The following EVC2 variants were observed in gnomAD, a reference collection of about 807,000 sequenced individuals.
The protein encoded by EVC2 is EvC ciliary complex subunit 2, also known as limbin.
Under a neutral mutation model 149.3 loss-of-function variants are expected in EVC2, and 148 were observed. The observed-to-expected ratio is 0.99, with a 90% confidence interval of 0.87 to 1.14. EVC2 has a LOEUF of 1.14. EVC2 is among the 50% of genes most tolerant of loss of function. EVC2 has a pLI of 0.00. For synonymous variants in EVC2, 776 were observed against 649.9 expected (o/e 1.19, Z -2.95); for missense variants, 1,854 against 1,627.3 (o/e 1.14, Z -2.40).
At chr4:5,681,339 T>C (rs779101308) in intron 6 of EVC2, 26 bp from the exon 7 acceptor site, 2 of 1,613,872 alleles carry the variant, frequency 1.2e-6, no homozygotes, top group South Asian at 2.2e-5. Context: ...AGAAAACACT[T>C]TCAGCAACAG....
Position 5,641,000 on chromosome 4 carries a change from G to C in EVC2, c.1146-162C>G, listed in dbSNP as rs932121119. On this transcript the variant is annotated intron_variant, in intron 9 of 21. Transcript: ENST00000344408. This position sits in a 1 kb window ranked among gnomAD's most constrained non-coding sequence, Gnocchi z 4.6. The stretch of plus-strand genomic sequence containing the variant: ...ACTTCTGCTTCATCCAGTTATTGAA[G>C]GCCATTAGCTGACTCTTACTTAGTA... 6.6e-6 allele frequency among the ~76,000 whole-genome samples: 1 copy of C among 152,024 alleles called. No individual in the cohort carries two copies. Among genetic ancestry groups the C allele is most frequent in the Non-Finnish European group, 1.5e-5 (1 of 68,026 alleles).
At chr4:5,646,357 T>C (rs995311735) in intron 9 of EVC2, among the ~76,000 whole-genome samples, 1 of 152,348 alleles carries the variant, frequency 6.6e-6, no homozygotes, top group South Asian at 2.1e-4. Context: ...TGTCTTCTTA[T>C]GAAAAGTGTC....
intron 16 of EVC2, among the ~76,000 whole-genome samples, chr4:5,592,686 G>C (rs1234783119): frequency 6.6e-6 from 1 of 152,212 alleles, no homozygotes; most frequent in Non-Finnish European, 1.5e-5. Context: ...CAAAATGGCA[G>C]AGTATAACTA....
In EVC2 at chr4:5,584,684, A is replaced by G. The variant is rs1301138653; in HGVS notation, c.2996T>C (p.Leu999Pro). The change falls in exon 17 of 22, where the codon CTG becomes CCG. Residue 999 changes from leucine to proline, a missense_variant. By Grantham distance (98) the Leu-to-Pro change is moderately conservative. Transcript: ENST00000344408. ...LSIQDLLLEELSASEMLTKSA... is the reference protein window; with the variant it reads ...LSIQDLLLEEPSASEMLTKSA... ...CTTGGTCAGCATCTCAGATGCACTC[A>G]GCTCTTCCAGGAGCAAGTCCTGGAT... 6.2e-7 allele frequency: 1 copy of G among 1,614,042 alleles called. No individual in the cohort carries two copies. Among genetic ancestry groups the G allele is most frequent in the Admixed American group, 1.7e-5 (1 of 60,000 alleles).
At chr4:5,601,195 C>T (rs1166334088) in intron 16 of EVC2, among the ~76,000 whole-genome samples, 3 of 152,050 alleles carry the variant, frequency 2.0e-5, no homozygotes, top group Non-Finnish European at 4.4e-5. Context: ...CCTTATTATC[C>T]CACTCTTAAA....
intron 1 of EVC2, among the ~76,000 whole-genome samples, chr4:5,698,952 TA>T (rs1157290580): frequency 1.3e-5 from 2 of 152,118 alleles, no homozygotes; most frequent in Admixed American, 1.3e-4. Flanking sequence ...ACGGAAACCA[TA>T]AGGTGGGACA....
intron 7 of EVC2, among the ~76,000 whole-genome samples, chr4:5,672,117 G>C (rs1719684841): frequency 6.6e-6 from 1 of 152,218 alleles, no homozygotes. Context: ...CCTGGGCTGA[G>C]GCTGGGGAGC....
intron 16 of EVC2, among the ~76,000 whole-genome samples, chr4:5,594,269 T>A (rs975521748): frequency 4.6e-5 from 7 of 152,204 alleles, no homozygotes; most frequent in Non-Finnish European, 1.0e-4. Flanking sequence ...GACTGCTTCC[T>A]CAAGTGGGTG....
chr4:5,545,776 T>C (rs1240625982), intron 21 of EVC2, among the ~76,000 whole-genome samples: 3 of 151,754 alleles, frequency 2.0e-5, no homozygotes, highest in Admixed American at 6.6e-5. Context: ...AATAACAAAA[T>C]TGGCAAAAAA....
chr4:5,542,916 G>T (rs1022124411), intron 22 of EVC2: 2 of 334,984 alleles, frequency 6.0e-6, no homozygotes, highest in Non-Finnish European at 1.2e-5. Flanking sequence ...GCCACTGAAA[G>T]GATCAGCAGC....
chr4:5,695,219 G>A (rs1721394662), intron 2 of EVC2, among the ~76,000 whole-genome samples: 1 of 151,952 alleles, frequency 6.6e-6, no homozygotes, highest in African/African-American at 2.4e-5. Flanking sequence ...GAGGTGGTGT[G>A]CGCCTGTAGT....
At chr4:5,707,630 G>A (rs1722299021) in intron 1 of EVC2, among the ~76,000 whole-genome samples, 1 of 152,116 alleles carries the variant, frequency 6.6e-6, no homozygotes, top group South Asian at 2.1e-4. Flanking sequence ...TGAAGCCAGG[G>A]AGTGGCAGTG....
At chr4:5,574,930 T>C (rs1722830877) in intron 18 of EVC2, among the ~76,000 whole-genome samples, 158 bp from the exon 19 acceptor site, 1 of 152,240 alleles carries the variant, frequency 6.6e-6, no homozygotes, top group Non-Finnish European at 1.5e-5. Flanking sequence ...GCCTTCCTTT[T>C]CTTGCCTAGG....
At chr4:5,632,313 G>C (rs531829513) in intron 10 of EVC2, among the ~76,000 whole-genome samples, 1 of 152,278 alleles carries the variant, frequency 6.6e-6, no homozygotes, top group South Asian at 2.1e-4. Context: ...CAAGGCACAA[G>C]TACATGTGCG....
At position 5,628,709 on chromosome 4, in the gene EVC2, A is replaced by G. The variant is rs905743405; in HGVS notation, c.1736T>C (p.Phe579Ser). The G allele has an allele frequency of 6.2e-7, 1 of 1,613,236 alleles. No individual in the cohort carries two copies. Among genetic ancestry groups the G allele is most frequent in the South Asian group, 1.1e-5 (1 of 91,058 alleles). The change falls in exon 12 of 22, where the codon TTT becomes TCT. Residue 579 changes from phenylalanine to serine, a missense_variant. Physicochemically the swap from Phe to Ser is radical, Grantham distance 155. Coordinates refer to ENST00000344408, the MANE Select transcript of EVC2 (RefSeq NM_147127.5). ...IQENVEELMD[F>S]FQASKRYHLS... ...ATGATACCTCTTACTAGCCTGGAAAAAGTCCATTAACTCTTCTACATTCTC... is the reference window on the plus strand; with the variant it reads ...ATGATACCTCTTACTAGCCTGGAAAGAGTCCATTAACTCTTCTACATTCTC...
At position 5,708,344 on chromosome 4, in the gene EVC2, C is replaced by A; in HGVS notation, c.170G>T (p.Gly57Val). 1 of 1,485,706 alleles carries A rather than the reference C, an allele frequency of 6.7e-7. No individual in the cohort carries two copies. 92.0% of individuals were successfully genotyped at this position (1,485,706 alleles called of 1,614,324 possible). The change falls in exon 1 of 22, where the codon GGG (glycine) becomes GTG (valine). Residue 57 changes from glycine (G) to valine (V), a missense_variant. By Grantham distance (109) the Gly-to-Val change is moderately radical. Transcript: ENST00000344408. ...PRDPQVAPRS[G>V]PGLRIPPGRS... Reference sequence around the variant, plus strand: ...CCCCGGAGGGATCCTCAGGCCGGGCCCAGACCTAGGAGCCACCTGGGGATC... The same window carrying A: ...CCCCGGAGGGATCCTCAGGCCGGGCACAGACCTAGGAGCCACCTGGGGATC...
chr4:5,700,233 T>A (rs1394686449), intron 1 of EVC2, among the ~76,000 whole-genome samples: 2 of 152,222 alleles, frequency 1.3e-5, no homozygotes, highest in African/African-American at 4.8e-5. Context: ...CTGCGCTATG[T>A]GCTCGATTTT....
intron 5 of EVC2, among the ~76,000 whole-genome samples, chr4:5,688,249 G>A (rs963186750): frequency 6.6e-6 from 1 of 152,138 alleles, no homozygotes; most frequent in East Asian, 1.9e-4. Context: ...TAGGCTCAGA[G>A]GGAAGGAACA....
chr4:5,708,423 G>C lies in EVC2; in HGVS notation c.91C>G (p.Leu31Val). 6.6e-7 allele frequency: 1 copy of C among 1,503,896 alleles called. No individual in the cohort carries two copies. The highest frequency in any genetic ancestry group is 8.8e-7 in the Non-Finnish European group (1 of 1,133,794). The allele number at this position is 1,503,896 out of a possible 1,614,324, so 93.2% of individuals were successfully genotyped here. A position where few individuals can be genotyped will look rare whatever the true frequency, so the allele number is the denominator to read the frequency against. ...CAGCGGGGACGTGAGCTGGCGCCGA[G>C]ACAGCCTCGGCCCCCCAGCGCCAGG... The part of the protein sequence containing the change: ...VALALGGRGC[L>V]GASSRPRWRP... The change falls in exon 1 of 22, where the codon CTC (leucine) becomes GTC (valine). Residue 31 changes from leucine (L) to valine (V), a missense_variant. By Grantham distance (32) the Leu-to-Val change is conservative. Coordinates refer to ENST00000344408, the MANE Select transcript of EVC2 (RefSeq NM_147127.5).
Sources: allele counts gnomAD v4.1 joint callset (sites outside exome capture counted in the v4.1 genomes callset), GRCh38; gene constraint gnomAD v4.1.1; non-coding constraint Gnocchi (gnomAD v3.1); transcripts MANE v1.5; gene names NCBI Gene and HGNC (gene_info 2026-07-23, HGNC 2026-07-21).